The following TMCO1 variants were observed in gnomAD, a reference collection of about 807,000 sequenced individuals.
TMCO1 encodes the protein calcium load-activated calcium channel.
A neutral mutation model predicts 29.3 loss-of-function variants in TMCO1; 29 were observed. The ratio of observed to expected loss-of-function variants is 0.99; its 90% CI spans 0.74 to 1.35. The LOEUF is 1.35. Among genes scored for constraint, TMCO1 ranks in the 40% most tolerant of loss-of-function variants. The probability of loss-of-function intolerance (pLI) is 0.00; values close to 1 mark genes in which losing one functional copy is unlikely to be tolerated. For missense variants in TMCO1, 173 were observed against 225.5 expected, an observed-to-expected ratio of 0.77 and a Z score of 1.49; for synonymous variants, 80 against 77.1, an observed-to-expected ratio of 1.04 and a Z score of -0.20.
chr1:165,758,338 CT>C (rs1413009176), intron 3 of TMCO1, among the ~76,000 whole-genome samples: 2 of 152,056 alleles, frequency 1.3e-5, no homozygotes, highest in Non-Finnish European at 2.9e-5. Flanking sequence ...GGCGGATCAC[CT>C]GAGGTCAGGA....
chr1:165,761,556 C>A (rs1227275246), intron 2 of TMCO1, among the ~76,000 whole-genome samples: 1 of 151,556 alleles, frequency 6.6e-6, no homozygotes, highest in African/African-American at 2.4e-5. Flanking sequence ...AACAAAACAT[C>A]ATGTACATGG....
intron 5 of TMCO1, among the ~76,000 whole-genome samples, chr1:165,747,608 A>G (rs576189933): frequency 3.3e-5 from 5 of 152,338 alleles, no homozygotes; most frequent in South Asian, 4.1e-4. Flanking sequence ...CGTAGTAGGC[A>G]ATGATAAGAA....
At chr1:165,753,901 T>A (rs1279734486) in intron 4 of TMCO1, among the ~76,000 whole-genome samples, 1 of 152,094 alleles carries the variant, frequency 6.6e-6, no homozygotes, top group Admixed American at 6.6e-5. Context: ...CACATCACCA[T>A]AAAACCAAAG....
rs986393261 is a variant in TMCO1 at position 165,727,608 on chromosome 1, A to G, written c.*415T>C. ...GTCATGTATTTGGCTTGAAAAAAAAACAACAACAAAACAAACAGTTACAAG... is the reference window on the plus strand; with the variant it reads ...GTCATGTATTTGGCTTGAAAAAAAAGCAACAACAAAACAAACAGTTACAAG... On this transcript the variant is annotated 3_prime_UTR_variant, in exon 7 of 7. Transcript: ENST00000367881. 18 of 453,302 alleles carry G rather than the reference A, an allele frequency of 4.0e-5. No homozygotes were observed. Among genetic ancestry groups the G allele is most frequent in the African/African-American group, 2.6e-4 (13 of 50,020 alleles). 28.1% of individuals were successfully genotyped at this position (453,302 alleles called of 1,614,324 possible).
Position 165,727,522 on chromosome 1 carries a change from T to C in TMCO1, c.*501A>G, listed in dbSNP as rs1412015150. Reference sequence around the variant, plus strand: ...TATCTAGAAATACGGCAAAACAAAATGAAACAGATCTCTCCTTGTACATAA... The same window carrying C: ...TATCTAGAAATACGGCAAAACAAAACGAAACAGATCTCTCCTTGTACATAA... On this transcript the variant is annotated 3_prime_UTR_variant, in exon 7 of 7. Coordinates refer to ENST00000367881, the MANE Select transcript of TMCO1 (RefSeq NM_019026.6). 2.2e-6 allele frequency: 1 copy of C among 453,390 alleles called. No individual in the cohort carries two copies. Among genetic ancestry groups the C allele is most frequent in the Admixed American group, 2.4e-5 (1 of 42,480 alleles). The allele number at this position is 453,390 out of a possible 1,614,324, so 28.1% of individuals were successfully genotyped here. A position where few individuals can be genotyped will look rare whatever the true frequency, so the allele number is the denominator to read the frequency against.
chr1:165,751,310 C>A (rs1651984915), intron 5 of TMCO1, among the ~76,000 whole-genome samples: 1 of 152,174 alleles, frequency 6.6e-6, no homozygotes, highest in African/African-American at 2.4e-5. Flanking sequence ...ATATTAAATT[C>A]TCTATAGAGA....
At chr1:165,726,260 A>C (rs533157409), downstream of TMCO1, 115 of 698,718 alleles carry the variant, frequency 1.6e-4, no homozygotes, top group East Asian at 2.2e-3. Context: ...CCTTCTGATA[A>C]AACTAGTCTC....
In TMCO1 at chr1:165,757,635, T is replaced by C. The variant is rs1652247890; in HGVS notation, c.208+1890A>G. Among the ~76,000 whole-genome samples, 2 of 152,150 alleles carry C rather than the reference T, an allele frequency of 1.3e-5. 1 individual carries two copies. Among genetic ancestry groups the C allele is most frequent in the South Asian group, 4.1e-4 (2 of 4,824 alleles). On this transcript the variant is annotated intron_variant, in intron 3 of 6. Transcript: ENST00000367881. Reference sequence around the variant, plus strand: ...GCCTCAGCCTCCCAAGTAGCTGGGATTATAGGCATGCACCACCACGCCTGG... The same window carrying C: ...GCCTCAGCCTCCCAAGTAGCTGGGACTATAGGCATGCACCACCACGCCTGG...
At chr1:165,768,295 A>G (rs765612486) in intron 1 of TMCO1, 26 bp from the exon 2 acceptor site, 1 of 1,598,162 alleles carries the variant, frequency 6.3e-7, no homozygotes, top group Middle Eastern at 1.7e-4. Context: ...CAACATGTTA[A>G]TAGAGAAATG....
At chr1:165,757,167 A>T (rs1460583215) in intron 3 of TMCO1, among the ~76,000 whole-genome samples, 1 of 152,212 alleles carries the variant, frequency 6.6e-6, no homozygotes, top group Non-Finnish European at 1.5e-5. Flanking sequence ...TAATAGAAAC[A>T]GTTTCCACAA....
rs973644613 is a variant in TMCO1 at position 165,727,921 on chromosome 1, G to T, written c.*102C>A. On this transcript the variant is annotated 3_prime_UTR_variant, in exon 7 of 7. Coordinates refer to ENST00000367881, the MANE Select transcript of TMCO1 (RefSeq NM_019026.6). ...TAGAAATAATTCAAAACTAGAAAGA[G>T]GCCCAAGTAGTAAGGCTACCTATGG... is the stretch of plus-strand genomic sequence containing the variant. 4.7e-6 allele frequency: 4 copies of T among 848,012 alleles called. No individual in the cohort carries two copies. Among genetic ancestry groups the T allele is most frequent in the Admixed American group, 4.0e-5 (2 of 49,472 alleles). 52.5% of individuals were successfully genotyped at this position (848,012 alleles called of 1,614,324 possible).
intron 5 of TMCO1, among the ~76,000 whole-genome samples, chr1:165,750,541 C>CAAAA (rs776845482): frequency 3.4e-5 from 3 of 87,626 alleles, no homozygotes; most frequent in African/African-American, 1.4e-4. Flanking sequence ...AACTCCGTCT[C>CAAAA]AAAAAAAAAA....
intron 6 of TMCO1, among the ~76,000 whole-genome samples, chr1:165,734,916 C>T (rs1274008862): frequency 6.6e-6 from 1 of 152,050 alleles, no homozygotes; most frequent in Non-Finnish European, 1.5e-5. Flanking sequence ...ATACAGAAAA[C>T]AAATAAAATA....
chr1:165,736,446 G>A (rs1017263682), intron 6 of TMCO1, among the ~76,000 whole-genome samples: 4 of 151,882 alleles, frequency 2.6e-5, no homozygotes, highest in African/African-American at 7.3e-5. Flanking sequence ...GGCCGGGCGC[G>A]GGGGCTCACG....
intron 6 of TMCO1, among the ~76,000 whole-genome samples, chr1:165,740,740 A>C (rs2101796484): frequency 6.6e-6 from 1 of 152,290 alleles, no homozygotes; most frequent in African/African-American, 2.4e-5. Flanking sequence ...GATTAATGTC[A>C]TTATCACTGG....
At chr1:165,746,453 T>A (rs956435641) in intron 5 of TMCO1, among the ~76,000 whole-genome samples, 2 of 132,326 alleles carry the variant, frequency 1.5e-5, no homozygotes, top group Non-Finnish European at 3.1e-5. Context: ...AAGACCTATA[T>A]CACACACACA....
In TMCO1 at chr1:165,768,237, T is replaced by C. The variant is rs1478544261; in HGVS notation, c.103A>G (p.Lys35Glu). 1 of 1,613,984 alleles carries C rather than the reference T, an allele frequency of 6.2e-7. No homozygotes were observed. The highest frequency in any genetic ancestry group is 1.3e-5 in the African/African-American group (1 of 74,922). The change falls in exon 2 of 7, where the codon AAG becomes GAG. Residue 35 changes from lysine to glutamate, a missense_variant. Lys to Glu is a moderately conservative substitution (Grantham distance 56). Coordinates refer to ENST00000367881, the MANE Select transcript of TMCO1 (RefSeq NM_019026.6). ...ACTTCTGCCTTCAGTCTCTTGTACTTGTCTGTCCTGTAAACCAGGACCCAG... is the reference window on the plus strand; with the variant it reads ...ACTTCTGCCTTCAGTCTCTTGTACTCGTCTGTCCTGTAAACCAGGACCCAG... ...ITWVLVYRTD[K>E]YKRLKAEVEK...
intron 6 of TMCO1, among the ~76,000 whole-genome samples, chr1:165,735,485 A>G: frequency 6.6e-6 from 1 of 151,120 alleles, no homozygotes; most frequent in East Asian, 1.9e-4. Flanking sequence ...TTTTGCATAT[A>G]AACTCTGCCC....
At chr1:165,725,230 GA>G (rs1443634072), downstream of TMCO1, 4 of 453,616 alleles carry the variant, frequency 8.8e-6, no homozygotes, top group African/African-American at 2.0e-5. Context: ...TAAATAGTCT[GA>G]AAAAAACCTA....
Sources: allele counts gnomAD v4.1 joint callset (sites outside exome capture counted in the v4.1 genomes callset), GRCh38; gene constraint gnomAD v4.1.1; transcripts MANE v1.5; gene names NCBI Gene and HGNC (gene_info 2026-07-23, HGNC 2026-07-21).